Variants in CCDC39 observed in about 807,000 individuals in gnomAD.
CCDC39 encodes the protein coiled-coil domain-containing protein 39.
CCDC39 carries 113 observed loss-of-function variants against 121.0 expected under a neutral mutation model. The ratio of observed to expected loss-of-function variants is 0.93; its 90% confidence interval spans 0.80 to 1.09. CCDC39 has a LOEUF of 1.09. CCDC39 is among the 50% of genes least tolerant of loss of function. The pLI is 0.00. For synonymous variants in CCDC39, 349 were observed against 352.2 expected, an observed-to-expected ratio of 0.99 and a Z score of 0.10; for missense variants, 1,063 against 1,074.7, an observed-to-expected ratio of 0.99 and a Z score of 0.15.
At chr3:180,674,757 T>C (rs1441745656) in intron 1 of CCDC39, among the ~76,000 whole-genome samples, 3 of 152,220 alleles carry the variant, frequency 2.0e-5, no homozygotes, top group Non-Finnish European at 4.4e-5. Context: ...TTGTCTTTGG[T>C]TCTGTTTATA....
At chr3:180,664,526 T>C (rs1245668454) in intron 1 of CCDC39, among the ~76,000 whole-genome samples, 2 of 152,176 alleles carry the variant, frequency 1.3e-5, no homozygotes, top group Non-Finnish European at 2.9e-5. Context: ...TAAAATAGTG[T>C]TGTGATTTGG....
intron 12 of CCDC39, 47 bp from the exon 13 acceptor site, chr3:180,642,248 C>T (rs1256092456): frequency 7.8e-7 from 1 of 1,274,344 alleles, no homozygotes; most frequent in African/African-American, 1.5e-5. Flanking sequence ...TTTTTAATTG[C>T]AAAACCAAAA....
Position 180,648,324 on chromosome 3 carries a change from C to T in CCDC39, c.1203G>A (p.Val401=), listed in dbSNP as rs958498651. Residue 401 remains valine, a synonymous_variant, in exon 10 of 20, where the codon GTG becomes GTA. Transcript: ENST00000476379. ...GTAACTCCTGAGCTTTCTTAAACAG[C>T]ACACCTTTTATGAGGTTCAGTTGAA... ...VDVQLNLIKG[V]LFKKAQELQT... is the part of the protein sequence containing the mutation. The T allele has an allele frequency of 6.2e-7, 1 of 1,600,506 alleles. No homozygotes were observed. The highest frequency in any genetic ancestry group is 8.5e-7 in the Non-Finnish European group (1 of 1,174,116).
chr3:180,649,733 T>C (rs1229493745), intron 9 of CCDC39, among the ~76,000 whole-genome samples: 1 of 152,202 alleles, frequency 6.6e-6, no homozygotes, highest in Non-Finnish European at 1.5e-5. Context: ...CGGTACACCC[T>C]GCTGCTAATA....
rs138547427 is a variant in CCDC39, at chr3:180,626,386, G to T, written c.1998+5083C>A. On this transcript the variant is annotated intron_variant, in intron 14 of 19. Coordinates refer to ENST00000476379, the MANE Select transcript of CCDC39 (RefSeq NM_181426.2). Reference sequence around the variant, plus strand: ...GTTCTGGCTGTGACAGTCAAAGGTGGGGTGGTTCCCAGGACACTGGCAGAA... The same window carrying T: ...GTTCTGGCTGTGACAGTCAAAGGTGTGGTGGTTCCCAGGACACTGGCAGAA... 6.3e-3 allele frequency among the ~76,000 whole-genome samples: 963 copies of T among 152,232 alleles called. 6 individuals are homozygous for T. The highest frequency in any genetic ancestry group is 8.5e-3 in the Non-Finnish European group (577 of 68,006).
At chr3:180,653,647 A>G (rs923163508) in intron 7 of CCDC39, among the ~76,000 whole-genome samples, 10 of 152,210 alleles carry the variant, frequency 6.6e-5, no homozygotes, top group Non-Finnish European at 1.5e-4. Flanking sequence ...TCTTAAGCAG[A>G]AAGAACAAAG....
intron 6 of CCDC39, among the ~76,000 whole-genome samples, chr3:180,657,430 A>T (rs1322085051): frequency 1.3e-5 from 2 of 152,206 alleles, no homozygotes; most frequent in Admixed American, 1.3e-4. Context: ...GTGGATCCGT[A>T]ATCTTGGATC....
At position 180,642,228 on chromosome 3, in the gene CCDC39, A is replaced by T. The variant is rs773258136; in HGVS notation, c.1666-27T>A. 38 of 1,422,322 alleles carry T rather than the reference A, an allele frequency of 2.7e-5. No individual in the cohort carries two copies. The South Asian group carries it at 5.6e-4, about 21-fold the overall frequency. The allele number at this position is 1,422,322 out of a possible 1,614,324, so 88.1% of individuals were successfully genotyped here. On this transcript the variant is annotated intron_variant, in intron 12 of 19. Transcript: ENST00000476379. Reference sequence around the variant, plus strand: ...TATCAACGTAACAAAATGGTCAAATATTGAAATTATTTTTAATTGCAAAAC... The same window carrying T: ...TATCAACGTAACAAAATGGTCAAATTTTGAAATTATTTTTAATTGCAAAAC...
intron 11 of CCDC39, among the ~76,000 whole-genome samples, chr3:180,644,658 A>G (rs1031726544): frequency 1.3e-5 from 2 of 152,210 alleles, no homozygotes; most frequent in African/African-American, 4.8e-5. Flanking sequence ...ATCTACACAC[A>G]TCTTCCTGTA....
intron 14 of CCDC39, among the ~76,000 whole-genome samples, chr3:180,622,965 C>T (rs1576933280): frequency 2.6e-5 from 4 of 151,964 alleles, no homozygotes; most frequent in South Asian, 4.1e-4. Context: ...CCCTCCTCCT[C>T]AATATTTTGG....
At chr3:180,671,330 T>C (rs1403586396) in intron 1 of CCDC39, among the ~76,000 whole-genome samples, 1 of 152,100 alleles carries the variant, frequency 6.6e-6, no homozygotes, top group Non-Finnish European at 1.5e-5. Flanking sequence ...ATATGTATAA[T>C]TAAAAGTGGG....
chr3:180,664,281 CAG>C (rs1252235432), intron 1 of CCDC39, among the ~76,000 whole-genome samples: 3 of 152,142 alleles, frequency 2.0e-5, no homozygotes, highest in Non-Finnish European at 4.4e-5. Context: ...CTTCACATGA[CAG>C]AGAAAGAGAT....
intron 2 of CCDC39, among the ~76,000 whole-genome samples, chr3:180,662,228 G>GA (rs1258367663): frequency 3.3e-5 from 5 of 152,008 alleles, no homozygotes; most frequent in Admixed American, 6.6e-5. Flanking sequence ...TGTGCTAGGA[G>GA]AAAATACTGT....
At chr3:180,629,267 CATATT>C (rs1560083296) in intron 14 of CCDC39, among the ~76,000 whole-genome samples, 1 of 152,184 alleles carries the variant, frequency 6.6e-6, no homozygotes, top group African/African-American at 2.4e-5. Flanking sequence ...AGATGCAAAA[CATATT>C]AATATATTTT....
chr3:180,673,620 T>C (rs1712109601), intron 1 of CCDC39, among the ~76,000 whole-genome samples: 1 of 152,222 alleles, frequency 6.6e-6, no homozygotes, highest in African/African-American at 2.4e-5. Flanking sequence ...CAACGTTCAT[T>C]TTGTTGCAGT....
At chr3:180,641,151 C>T (rs1717944204) in intron 13 of CCDC39, among the ~76,000 whole-genome samples, 1 of 151,962 alleles carries the variant, frequency 6.6e-6, no homozygotes, top group African/African-American at 2.4e-5. Context: ...TGATTAAACA[C>T]AACAGATTGA....
intron 6 of CCDC39, among the ~76,000 whole-genome samples, chr3:180,656,881 T>C (rs143942176): frequency 0.012 from 1,857 of 152,312 alleles, 18 homozygotes; most frequent in African/African-American, 0.03. Context: ...TTACCCTATA[T>C]GGTCTAAAAG....
chr3:180,624,099 G>A (rs1229582645), intron 14 of CCDC39, among the ~76,000 whole-genome samples: 5 of 151,994 alleles, frequency 3.3e-5, no homozygotes, highest in Admixed American at 2.0e-4. Context: ...GAATCTAGGT[G>A]CTGCAGTGTT....
intron 14 of CCDC39, 30 bp downstream of exon 14, chr3:180,631,439 C>T (rs774347283): frequency 1.3e-6 from 2 of 1,560,592 alleles, no homozygotes; most frequent in Non-Finnish European, 1.7e-6. Context: ...AAATTTCATA[C>T]CATCACAACT....
Sources: gnomAD v4.1 joint callset for allele counts (sites outside exome capture counted in the v4.1 genomes callset) on GRCh38, gnomAD v4.1.1 for gene constraint, MANE v1.5 for transcripts, NCBI Gene and HGNC (gene_info 2026-07-23, HGNC 2026-07-21) for gene names.